The following RIT2 variants were observed in gnomAD, a reference collection of about 807,000 sequenced individuals.
RIT2 encodes the protein GTP-binding protein Rit2.
RIT2 carries 24 observed loss-of-function variants against 23.7 expected under a neutral mutation model. That is an observed-to-expected ratio of 1.01 (90% confidence interval 0.73 to 1.43). The LOEUF (loss-of-function observed/expected upper bound fraction) is 1.43, where lower values mean the gene tolerates loss of function less well. RIT2 is among the 40% of genes most tolerant of loss of function. RIT2 has a pLI of 0.00. For missense variants in RIT2, 236 were observed against 266.9 expected (o/e 0.88, Z 0.81); for synonymous variants, 107 against 91.1 (o/e 1.17, Z -0.99).
chr18:42,754,888 T>C (rs1327265898), intron 4 of RIT2, among the ~76,000 whole-genome samples: 1 of 152,230 alleles, frequency 6.6e-6, no homozygotes, highest in Non-Finnish European at 1.5e-5. Context: ...ATTTTTGCTA[T>C]ATTGTGGGCT....
intron 2 of RIT2, among the ~76,000 whole-genome samples, chr18:43,028,386 T>C (rs1285676547): frequency 1.3e-5 from 2 of 151,992 alleles, no homozygotes; most frequent in Non-Finnish European, 2.9e-5. Flanking sequence ...AGAGGTTGCT[T>C]GGCATATTTA....
intron 4 of RIT2, among the ~76,000 whole-genome samples, chr18:42,874,740 T>C (rs1021111514): frequency 1.3e-5 from 2 of 152,034 alleles, no homozygotes; most frequent in Non-Finnish European, 2.9e-5. Flanking sequence ...CAACTTCCCT[T>C]TACTAGAGGA....
At chr18:43,057,201 T>C (rs1456321541) in intron 1 of RIT2, among the ~76,000 whole-genome samples, 1 of 152,128 alleles carries the variant, frequency 6.6e-6, no homozygotes, top group Non-Finnish European at 1.5e-5. Context: ...GTTTTCTTTT[T>C]GCATGCCTTC....
intron 4 of RIT2, among the ~76,000 whole-genome samples, chr18:42,860,625 C>A (rs908470511): frequency 1.3e-5 from 2 of 152,146 alleles, no homozygotes; most frequent in Non-Finnish European, 2.9e-5. Context: ...ACTGAGAATA[C>A]CCTCTCTAGG....
At chr18:43,024,175 T>C (rs572088486) in intron 2 of RIT2, among the ~76,000 whole-genome samples, 8 of 152,166 alleles carry the variant, frequency 5.3e-5, no homozygotes, top group Admixed American at 2.6e-4. Flanking sequence ...ATCAACCTTA[T>C]GTTTTAAAAA....
intron 4 of RIT2, among the ~76,000 whole-genome samples, chr18:42,780,440 G>A (rs973618728): frequency 6.6e-6 from 1 of 152,038 alleles, no homozygotes; most frequent in Non-Finnish European, 1.5e-5. Context: ...AGAGAGAATA[G>A]ATGTAAATGT....
intron 4 of RIT2, among the ~76,000 whole-genome samples, chr18:42,748,685 A>C (rs1460305246): frequency 6.6e-6 from 1 of 152,004 alleles, no homozygotes; most frequent in Non-Finnish European, 1.5e-5. Context: ...ACATGAAACC[A>C]GCGCAGAAAA....
chr18:42,889,222 C>T (rs1285334440), intron 4 of RIT2, among the ~76,000 whole-genome samples: 1 of 152,026 alleles, frequency 6.6e-6, no homozygotes, highest in East Asian at 1.9e-4. Context: ...ACCACCCAGG[C>T]TATCCAGCTT....
intron 2 of RIT2, among the ~76,000 whole-genome samples, chr18:43,033,199 G>T (rs1414549046): frequency 6.6e-6 from 1 of 152,090 alleles, no homozygotes; most frequent in Non-Finnish European, 1.5e-5. Flanking sequence ...TTTGTGCTTT[G>T]AATGAGGGAG....
intron 3 of RIT2, among the ~76,000 whole-genome samples, chr18:42,944,629 C>A (rs1022260222): frequency 6.6e-6 from 1 of 152,004 alleles, no homozygotes; most frequent in African/African-American, 2.4e-5. Flanking sequence ...AGGTATCGCC[C>A]AATTCTCTCC....
At chr18:43,021,255 G>A (rs749087764) in intron 2 of RIT2, among the ~76,000 whole-genome samples, 9 of 151,886 alleles carry the variant, frequency 5.9e-5, no homozygotes, top group Non-Finnish European at 8.8e-5. Flanking sequence ...TAGATGACAC[G>A]CAAATGTCCA....
intron 4 of RIT2, among the ~76,000 whole-genome samples, chr18:42,751,653 T>G (rs1284575117): frequency 1.3e-5 from 2 of 152,008 alleles, no homozygotes; most frequent in Admixed American, 1.3e-4. Flanking sequence ...TGATAAGTAA[T>G]GTAGGAATCA....
At chr18:43,046,580 C>T (rs1004495385) in intron 1 of RIT2, among the ~76,000 whole-genome samples, 1 of 152,148 alleles carries the variant, frequency 6.6e-6, no homozygotes, top group Non-Finnish European at 1.5e-5. Flanking sequence ...TGGTGTCTGG[C>T]AGACAACACA....
At chr18:42,820,100 C>T (rs575429366) in intron 4 of RIT2, among the ~76,000 whole-genome samples, 62 of 152,208 alleles carry the variant, frequency 4.1e-4, no homozygotes, top group African/African-American at 1.4e-3. Flanking sequence ...TTTGGAACTT[C>T]TGGAAATTAT....
chr18:42,836,878 C>G (rs1403743541), intron 4 of RIT2, among the ~76,000 whole-genome samples: 1 of 152,050 alleles, frequency 6.6e-6, no homozygotes, highest in African/African-American at 2.4e-5. Context: ...TACAAAGACT[C>G]TCGAGAATAC....
At chr18:43,096,146 G>T (rs1011240500) in intron 1 of RIT2, among the ~76,000 whole-genome samples, 3 of 151,880 alleles carry the variant, frequency 2.0e-5, no homozygotes, top group Non-Finnish European at 4.4e-5. Flanking sequence ...ATCCCAACTT[G>T]TAAACAAGTA....
At chr18:43,063,724 G>T (rs1912705936) in intron 1 of RIT2, among the ~76,000 whole-genome samples, 1 of 152,082 alleles carries the variant, frequency 6.6e-6, no homozygotes, top group Non-Finnish European at 1.5e-5. Context: ...TCACAAAAAT[G>T]AGAACTAAAA....
intron 1 of RIT2, among the ~76,000 whole-genome samples, chr18:43,089,760 G>A (rs1410938909): frequency 6.6e-6 from 1 of 151,760 alleles, no homozygotes; most frequent in Non-Finnish European, 1.5e-5. Context: ...CTCATCTTTG[G>A]CAAAACTGAC....
chr18:42,886,012 G>T (rs1431282232), intron 4 of RIT2, among the ~76,000 whole-genome samples: 1 of 152,142 alleles, frequency 6.6e-6, no homozygotes, highest in Non-Finnish European at 1.5e-5. Context: ...ACCAGGATGT[G>T]TGATTGTATT....
Sources: allele counts gnomAD v4.1 joint callset (sites outside exome capture counted in the v4.1 genomes callset), GRCh38; gene constraint gnomAD v4.1.1; transcripts MANE v1.5; gene names NCBI Gene and HGNC (gene_info 2026-07-23, HGNC 2026-07-21).